ST8SIA1: variants seen among roughly 807,000 people sequenced by gnomAD.
ST8SIA1 encodes alpha-N-acetylneuraminide alpha-2,8-sialyltransferase.
ST8SIA1 carries 16 observed loss-of-function variants against 35.9 expected under a neutral mutation model. That is an observed-to-expected ratio of 0.45 (90% CI 0.30 to 0.68). The LOEUF (loss-of-function observed/expected upper bound fraction) is 0.68. Among genes scored for constraint, ST8SIA1 ranks in the 30% least tolerant of loss-of-function variants. The pLI, the probability that ST8SIA1 is intolerant of heterozygous loss-of-function variation, is 0.09. For missense variants in ST8SIA1, 383 were observed against 453.6 expected, an observed-to-expected ratio of 0.84 and a Z score of 1.41; for synonymous variants, 170 against 169.6, an observed-to-expected ratio of 1.00 and a Z score of -0.02.
intron 2 of ST8SIA1, chr12:22,268,663 AACTC>A (rs1004109701): frequency 2.8e-5 from 3 of 108,622 alleles, no homozygotes; most frequent in Non-Finnish European, 2.1e-5. Context: ...ATCTCGTGAG[AACTC>A]ACTCACTATC....
At chr12:22,217,613 A>T (rs1865248303) in intron 4 of ST8SIA1, among the ~76,000 whole-genome samples, 1 of 152,216 alleles carries the variant, frequency 6.6e-6, no homozygotes, top group Admixed American at 6.5e-5. Context: ...CATTTGAAAA[A>T]AATAATAATA....
intron 1 of ST8SIA1, among the ~76,000 whole-genome samples, chr12:22,303,859 C>CAT (rs1866349423): frequency 1.4e-5 from 2 of 140,322 alleles, no homozygotes. Context: ...CACACACACA[C>CAT]ACACACACAC....
At chr12:22,297,739 T>C (rs1016314410) in intron 1 of ST8SIA1, among the ~76,000 whole-genome samples, 3 of 152,152 alleles carry the variant, frequency 2.0e-5, no homozygotes, top group Non-Finnish European at 4.4e-5. Flanking sequence ...TTTATATTTG[T>C]GAAATTATGA....
At chr12:22,278,951 G>A (rs752189960) in intron 2 of ST8SIA1, among the ~76,000 whole-genome samples, 8 of 152,044 alleles carry the variant, frequency 5.3e-5, no homozygotes, top group Non-Finnish European at 7.4e-5. Context: ...CTGACAAACT[G>A]CTAATATAAT....
chr12:22,308,816 G>A lies in ST8SIA1; in HGVS notation c.237-21523C>T, dbSNP rs548888237. Among the ~76,000 whole-genome samples, 368 of 152,066 alleles carry A rather than the reference G, an allele frequency of 2.4e-3. 4 individuals are homozygous for A. Among genetic ancestry groups the A allele is most frequent in the South Asian group, 0.022 (106 of 4,814 alleles). On this transcript the variant is annotated intron_variant, in intron 1 of 4. Transcript: ENST00000396037. Reference sequence around the variant, plus strand: ...TAAGTCTCCCTTCCCTGATATCCACGGCAGTCTCACATCCTACATATCATC... The same window carrying A: ...TAAGTCTCCCTTCCCTGATATCCACAGCAGTCTCACATCCTACATATCATC...
intron 1 of ST8SIA1, among the ~76,000 whole-genome samples, chr12:22,298,371 C>T (rs1343255542): frequency 6.6e-6 from 1 of 152,152 alleles, no homozygotes; most frequent in Non-Finnish European, 1.5e-5. Context: ...GGACTAAACC[C>T]TCATCCTGTG....
chr12:22,318,086 A>T (rs1415131401), intron 1 of ST8SIA1, among the ~76,000 whole-genome samples: 1 of 152,246 alleles, frequency 6.6e-6, no homozygotes, highest in African/African-American at 2.4e-5. Flanking sequence ...AACATTATTT[A>T]TCTCTAGGAA....
At chr12:22,229,991 CAT>C (rs779355572) in intron 4 of ST8SIA1, among the ~76,000 whole-genome samples, 10 of 152,304 alleles carry the variant, frequency 6.6e-5, no homozygotes, top group East Asian at 3.9e-4. Flanking sequence ...AATGCAGAAA[CAT>C]GTGTTAAGTG....
chr12:22,328,088 G>A (rs1866704681), intron 1 of ST8SIA1, among the ~76,000 whole-genome samples: 1 of 152,156 alleles, frequency 6.6e-6, no homozygotes, highest in Non-Finnish European at 1.5e-5. Flanking sequence ...ATTCTACAAT[G>A]TACCGGACAG....
At chr12:22,213,974 T>C (rs966642463) in intron 4 of ST8SIA1, among the ~76,000 whole-genome samples, 5 of 152,164 alleles carry the variant, frequency 3.3e-5, no homozygotes, top group African/African-American at 1.2e-4. Context: ...GTTTGGGGGA[T>C]TGAATGGCTT....
At chr12:22,226,374 T>G (rs1194341878) in intron 4 of ST8SIA1, among the ~76,000 whole-genome samples, 1 of 152,200 alleles carries the variant, frequency 6.6e-6, no homozygotes, top group Non-Finnish European at 1.5e-5. Context: ...ATCTTTGAAG[T>G]GTAAAAATTC....
intron 2 of ST8SIA1, among the ~76,000 whole-genome samples, chr12:22,269,215 TTC>T (rs1334439881): frequency 2.6e-5 from 4 of 152,062 alleles, no homozygotes; most frequent in African/African-American, 7.2e-5. Context: ...AAAGACTCTT[TTC>T]TCTGTGCCAG....
At position 22,327,545 on chromosome 12, in the gene ST8SIA1, A is replaced by C. The variant is rs537778621; in HGVS notation, c.236+6452T>G. Among the ~76,000 whole-genome samples the C allele has an allele frequency of 1.8e-4, 27 of 152,312 alleles. No individual in the cohort carries two copies. In the South Asian group the frequency reaches 5.6e-3, roughly 32 times the overall value. On this transcript the variant is annotated intron_variant, in intron 1 of 4. Coordinates refer to ENST00000396037, the MANE Select transcript of ST8SIA1 (RefSeq NM_003034.4). The stretch of plus-strand genomic sequence containing the variant: ...GGGTCATTTGGGCAGGAAATTCCAG[A>C]GTCTAGAAAGATCCCATTAACACCC...
intron 1 of ST8SIA1, among the ~76,000 whole-genome samples, chr12:22,314,051 G>A (rs560558798): frequency 1.3e-5 from 2 of 152,250 alleles, no homozygotes; most frequent in African/African-American, 4.8e-5. Flanking sequence ...TCTGAGGAGG[G>A]ATAAAGGAGG....
intron 1 of ST8SIA1, among the ~76,000 whole-genome samples, chr12:22,296,987 C>G (rs1866253938): frequency 6.6e-6 from 1 of 152,144 alleles, no homozygotes; most frequent in African/African-American, 2.4e-5. Context: ...TACGTGTTTA[C>G]ACAGCAGGGT....
chr12:22,315,200 T>C (rs537985301), intron 1 of ST8SIA1, among the ~76,000 whole-genome samples: 121 of 152,216 alleles, frequency 7.9e-4, no homozygotes, highest in African/African-American at 2.8e-3. Context: ...TAATGACTCG[T>C]TGAATTTAAA....
chr12:22,215,952 C>CA (rs1161816188), intron 4 of ST8SIA1, among the ~76,000 whole-genome samples: 2 of 152,156 alleles, frequency 1.3e-5, no homozygotes, highest in Non-Finnish European at 2.9e-5. Context: ...ATGGTGGAAC[C>CA]AGAGATGGAA....
intron 2 of ST8SIA1, among the ~76,000 whole-genome samples, chr12:22,271,035 G>A (rs1024807583): frequency 7.2e-5 from 11 of 152,114 alleles, no homozygotes; most frequent in Admixed American, 2.0e-4. Context: ...ACATGAGGTA[G>A]GTAGTTTACG....
intron 4 of ST8SIA1, among the ~76,000 whole-genome samples, chr12:22,224,708 A>G (rs1412804747): frequency 6.6e-6 from 1 of 152,226 alleles, no homozygotes; most frequent in Non-Finnish European, 1.5e-5. Flanking sequence ...CTGCCAGCAG[A>G]AAGTACTCTA....
Sources: gnomAD v4.1 joint callset for allele counts (sites outside exome capture counted in the v4.1 genomes callset) on GRCh38, gnomAD v4.1.1 for gene constraint, MANE v1.5 for transcripts, NCBI Gene and HGNC (gene_info 2026-07-23, HGNC 2026-07-21) for gene names.